Variants in FBXW8 observed in about 807,000 individuals in gnomAD.
FBXW8 encodes F-box/WD repeat-containing protein 8.
A neutral mutation model predicts 65.3 loss-of-function variants in FBXW8; 57 were observed. The observed-to-expected ratio is 0.87, with a 90% confidence interval of 0.71 to 1.09. The LOEUF is 1.09. Among genes scored for constraint, FBXW8 ranks in the 50% least tolerant of loss-of-function variants. FBXW8 has a pLI of 0.00. For missense variants in FBXW8, 777 were observed against 814.8 expected, an observed-to-expected ratio of 0.95 and a Z score of 0.57; for synonymous variants, 308 against 330.2, an observed-to-expected ratio of 0.93 and a Z score of 0.73.
At chr12:117,001,010 T>TGC (rs573862930) in intron 7 of FBXW8, among the ~76,000 whole-genome samples, 28 of 152,258 alleles carry the variant, frequency 1.8e-4, no homozygotes, top group Middle Eastern at 3.4e-3. Context: ...AGTTTCTTGA[T>TGC]GCACAAAATG....
At chr12:116,914,779 G>T (rs56721166) in intron 1 of FBXW8, among the ~76,000 whole-genome samples, 3,132 of 152,278 alleles carry the variant, frequency 0.021, 86 homozygotes, top group African/African-American at 0.065. Context: ...GGAGGCTGAG[G>T]CAGGAGAATC....
rs375764608 is a variant in FBXW8 at position 116,974,489 on chromosome 12, G to A, written c.835+9635G>A. Among the ~76,000 whole-genome samples, 30 of 152,290 alleles carry A rather than the reference G, an allele frequency of 2.0e-4. No individual in the cohort carries two copies. The East Asian group carries it at 3.5e-3, about 18-fold the overall frequency. On this transcript the variant is annotated intron_variant, in intron 5 of 10. Coordinates refer to ENST00000652555, the MANE Select transcript of FBXW8 (RefSeq NM_153348.3). ...AGCTGCTCGGGATCCCCTAAAAAAA[G>A]TTGGAAAGCAAGCCACAAAAGGATC...
chr12:116,956,698 T>A (rs1468293671), intron 4 of FBXW8, among the ~76,000 whole-genome samples: 1 of 152,378 alleles, frequency 6.6e-6, no homozygotes, highest in Non-Finnish European at 1.5e-5. Flanking sequence ...GCAGGCACAG[T>A]GGCTCATGCC....
At chr12:116,913,226 G>A (rs1435995019) in intron 1 of FBXW8, among the ~76,000 whole-genome samples, 2 of 152,180 alleles carry the variant, frequency 1.3e-5, no homozygotes, top group Non-Finnish European at 2.9e-5. Flanking sequence ...TTTGGTTTAA[G>A]GTCCTGATTC....
At chr12:116,919,994 G>A (rs960774419) in intron 1 of FBXW8, among the ~76,000 whole-genome samples, 5 of 152,316 alleles carry the variant, frequency 3.3e-5, no homozygotes, top group Admixed American at 1.3e-4. Flanking sequence ...TGGCTAATAT[G>A]CAGTGAGACA....
chr12:116,945,889 A>C (rs1254503449), intron 3 of FBXW8, among the ~76,000 whole-genome samples: 2 of 152,220 alleles, frequency 1.3e-5, no homozygotes, highest in African/African-American at 2.4e-5. Context: ...ACCTGCATAC[A>C]AAAGAGGAGC....
intron 7 of FBXW8, among the ~76,000 whole-genome samples, chr12:116,993,819 C>A (rs2135683868): frequency 6.6e-6 from 1 of 152,212 alleles, no homozygotes; most frequent in Non-Finnish European, 1.5e-5. Flanking sequence ...TTGCCTAGGC[C>A]AATGTCCAGA....
chr12:117,009,005 T>C (rs1020720177), intron 7 of FBXW8, among the ~76,000 whole-genome samples: 1 of 152,150 alleles, frequency 6.6e-6, no homozygotes, highest in African/African-American at 2.4e-5. Context: ...AGGCGGAGCT[T>C]GCAGTGAGCC....
chr12:116,988,881 G>A lies in FBXW8; in HGVS notation c.1239+12G>A, dbSNP rs1953168425. On this transcript the variant is annotated intron_variant, in intron 7 of 10. Transcript: ENST00000652555. Reference sequence around the variant, plus strand: ...ACGAAGGAAGCAAGGTACACAACTAGCAAGATATATAATTAACAAAAAAGA... The same window carrying A: ...ACGAAGGAAGCAAGGTACACAACTAACAAGATATATAATTAACAAAAAAGA... 1 of 1,606,684 alleles carries A rather than the reference G, an allele frequency of 6.2e-7. No individual in the cohort carries two copies. Among genetic ancestry groups the A allele is most frequent in the Non-Finnish European group, 8.5e-7 (1 of 1,173,598 alleles).
intron 1 of FBXW8, among the ~76,000 whole-genome samples, chr12:116,921,028 C>T (rs1238540141): frequency 6.6e-6 from 1 of 152,152 alleles, no homozygotes; most frequent in Non-Finnish European, 1.5e-5. Context: ...TTGCTTCACA[C>T]CACCCTCCTT....
chr12:117,003,290 T>A (rs1327131947), intron 7 of FBXW8: 1 of 152,310 alleles, frequency 6.6e-6, no homozygotes, highest in African/African-American at 2.4e-5. Context: ...ACCTGTATAC[T>A]GAGCCCCTCC....
chr12:116,947,934 G>C (rs564876438), intron 3 of FBXW8, among the ~76,000 whole-genome samples: 10 of 152,220 alleles, frequency 6.6e-5, no homozygotes, highest in African/African-American at 1.9e-4. Context: ...CAGTGCTCAG[G>C]CGAGGTTGGC....
intron 1 of FBXW8, among the ~76,000 whole-genome samples, chr12:116,924,356 A>G (rs1057127773): frequency 6.6e-6 from 1 of 152,250 alleles, no homozygotes; most frequent in African/African-American, 2.4e-5. Context: ...ATATATGTAT[A>G]CAATGTATAT....
chr12:117,000,620 G>A (rs999736753), intron 7 of FBXW8, among the ~76,000 whole-genome samples: 4 of 152,216 alleles, frequency 2.6e-5, no homozygotes, highest in Admixed American at 2.0e-4. Context: ...AGCACCCTGG[G>A]GTAGAGGTTT....
intron 10 of FBXW8, 103 bp from the exon 11 acceptor site, chr12:117,027,925 C>T (rs2135731555): frequency 1.3e-6 from 2 of 1,484,590 alleles, no homozygotes; most frequent in East Asian, 2.4e-5. Flanking sequence ...GAAGCTGAAC[C>T]TCTATCTGGT....
intron 2 of FBXW8, among the ~76,000 whole-genome samples, chr12:116,933,535 ACAGTAGT>A (rs769274546): frequency 2.6e-5 from 4 of 152,258 alleles, no homozygotes; most frequent in Non-Finnish European, 5.9e-5. Context: ...AATTTGCAAC[ACAGTAGT>A]CCAATTGTCC....
At chr12:116,949,357 C>T (rs1259429853) in intron 3 of FBXW8, 1 of 476,130 alleles carries the variant, frequency 2.1e-6, no homozygotes, top group Non-Finnish European at 3.8e-6. Context: ...TATTCTGTAA[C>T]CTCCTGGAGG....
In FBXW8 at chr12:116,947,113, G is replaced by C. The variant is rs530114482; in HGVS notation, c.588+1585G>C. ...CTTGTTGGGCCTGGAGGTGGCAGAA[G>C]TGACGATATTTTAAAGACCCATCAC... is the stretch of plus-strand genomic sequence containing the variant. On this transcript the variant is annotated intron_variant, in intron 3 of 10. Coordinates refer to ENST00000652555, the MANE Select transcript of FBXW8 (RefSeq NM_153348.3). 8.3e-4 allele frequency among the ~76,000 whole-genome samples: 126 copies of C among 152,272 alleles called. 1 individual carries two copies. The highest frequency in any genetic ancestry group is 1.4e-3 in the Non-Finnish European group (95 of 68,022).
intron 7 of FBXW8, among the ~76,000 whole-genome samples, chr12:117,007,765 A>G (rs560954366): frequency 1.3e-5 from 2 of 152,290 alleles, no homozygotes; most frequent in African/African-American, 4.8e-5. Context: ...TAATCTCACT[A>G]GTCTATGGCA....
Sources: gnomAD v4.1 joint callset for allele counts (sites outside exome capture counted in the v4.1 genomes callset) on GRCh38, gnomAD v4.1.1 for gene constraint, MANE v1.5 for transcripts, NCBI Gene and HGNC (gene_info 2026-07-23, HGNC 2026-07-21) for gene names.